The following SIPA1L3 variants were observed in gnomAD, a reference collection of about 807,000 sequenced individuals.
SIPA1L3 encodes the protein signal induced proliferation associated 1 like 3.
SIPA1L3 carries 59 observed loss-of-function variants against 150.1 expected under a neutral mutation model. That is an observed-to-expected ratio of 0.39 (90% CI 0.32 to 0.49). The LOEUF (loss-of-function observed/expected upper bound fraction) is 0.49, where lower values mean the gene tolerates loss of function less well. Among genes scored for constraint, SIPA1L3 ranks in the 20% least tolerant of loss-of-function variants. The pLI is 0.86. For synonymous variants in SIPA1L3, 1,070 were observed against 1,077.6 expected, an observed-to-expected ratio of 0.99 and a Z score of 0.14; for missense variants, 2,211 against 2,489.5, an observed-to-expected ratio of 0.89 and a Z score of 2.38.
intron 2 of SIPA1L3, among the ~76,000 whole-genome samples, chr19:38,058,317 G>A (rs1969370388): frequency 6.6e-6 from 1 of 152,172 alleles, no homozygotes; most frequent in Admixed American, 6.5e-5. Flanking sequence ...CTGTGGTGCT[G>A]CTGAAGGGTG....
At chr19:37,965,535 C>T (rs2046896550) in intron 1 of SIPA1L3, among the ~76,000 whole-genome samples, 1 of 152,002 alleles carries the variant, frequency 6.6e-6, no homozygotes, top group Admixed American at 6.6e-5. Flanking sequence ...AGGATGGTCT[C>T]AATCTCCTAA....
intron 9 of SIPA1L3, among the ~76,000 whole-genome samples, chr19:38,127,942 TA>T (rs1295620046): frequency 6.6e-6 from 1 of 151,472 alleles, no homozygotes; most frequent in Non-Finnish European, 1.5e-5. Flanking sequence ...AAGTCCAAGA[TA>T]AAGGTACCCG....
intron 14 of SIPA1L3, among the ~76,000 whole-genome samples, chr19:38,162,743 A>C (rs1972122729): frequency 6.6e-6 from 1 of 152,204 alleles, no homozygotes; most frequent in Non-Finnish European, 1.5e-5. Flanking sequence ...TCACGTGGTG[A>C]TTCAGAGCCC....
intron 1 of SIPA1L3, among the ~76,000 whole-genome samples, chr19:37,909,178 C>T (rs1349666983): frequency 6.6e-6 from 1 of 152,176 alleles, no homozygotes; most frequent in African/African-American, 2.4e-5. Flanking sequence ...ATTTCATTGG[C>T]CCATATTGGT....
chr19:38,111,357 A>C (rs1970736952), intron 8 of SIPA1L3, among the ~76,000 whole-genome samples: 1 of 152,058 alleles, frequency 6.6e-6, no homozygotes, highest in Non-Finnish European at 1.5e-5. Context: ...CTGTACATGA[A>C]GTGCTTTTTG....
intron 1 of SIPA1L3, among the ~76,000 whole-genome samples, chr19:37,917,200 G>C (rs1313919218): frequency 1.3e-5 from 2 of 151,984 alleles, no homozygotes; most frequent in Admixed American, 6.6e-5. Context: ...GCGTATCTCA[G>C]TTGGTACCAG....
intron 1 of SIPA1L3, among the ~76,000 whole-genome samples, chr19:37,996,243 A>G (rs1259329097): frequency 6.6e-6 from 1 of 151,874 alleles, no homozygotes; most frequent in Non-Finnish European, 1.5e-5. Context: ...TTATTTACTT[A>G]GAGACAGGGT....
At chr19:38,062,594 T>A (rs1380710351) in intron 2 of SIPA1L3, among the ~76,000 whole-genome samples, 3 of 151,332 alleles carry the variant, frequency 2.0e-5, no homozygotes, top group African/African-American at 7.3e-5. Flanking sequence ...AAATGCCAGT[T>A]TTTGCTCTCA....
chr19:38,015,114 T>G (rs2145688319), intron 1 of SIPA1L3, among the ~76,000 whole-genome samples: 1 of 152,242 alleles, frequency 6.6e-6, no homozygotes, highest in South Asian at 2.1e-4. Flanking sequence ...CACGCCCAGC[T>G]CCATGCCAGA....
intron 1 of SIPA1L3, among the ~76,000 whole-genome samples, chr19:38,015,955 C>T (rs77314051): frequency 1.4e-3 from 216 of 152,114 alleles, no homozygotes; most frequent in East Asian, 0.011. Context: ...ATCGTTGGTC[C>T]GCCGGAATCT....
intron 3 of SIPA1L3, among the ~76,000 whole-genome samples, 188 bp downstream of exon 3, chr19:38,083,287 C>T (rs1384571812): frequency 6.6e-6 from 1 of 152,206 alleles, no homozygotes; most frequent in Non-Finnish European, 1.5e-5. Context: ...AGCCCTGTGT[C>T]TGACACAGCA....
intron 13 of SIPA1L3, among the ~76,000 whole-genome samples, chr19:38,160,379 C>T (rs1033359141): frequency 5.3e-5 from 8 of 150,002 alleles, no homozygotes; most frequent in African/African-American, 2.0e-4. Context: ...GAGGTTAAAC[C>T]AGTTGACATC....
At chr19:38,142,453 A>T in intron 11 of SIPA1L3, 120 bp from the exon 12 acceptor site, 1 of 1,160,278 alleles carries the variant, frequency 8.6e-7, no homozygotes, top group Middle Eastern at 2.8e-4. Flanking sequence ...GGCGGGGGAA[A>T]GTTCGGTTGG....
At chr19:38,059,297 A>G (rs1361693601) in intron 2 of SIPA1L3, among the ~76,000 whole-genome samples, 2 of 148,928 alleles carry the variant, frequency 1.3e-5, no homozygotes, top group Non-Finnish European at 3.0e-5. Flanking sequence ...CACCATGCCC[A>G]GCAAACAGCT....
rs529202355 is a variant in SIPA1L3 at position 38,101,613 on chromosome 19, G to A, written c.2029+387G>A. Among the ~76,000 whole-genome samples, 27 of 152,256 alleles carry A rather than the reference G, an allele frequency of 1.8e-4. No individual in the cohort carries two copies. In the South Asian group the frequency reaches 5.6e-3, roughly 32 times the overall value. On this transcript the variant is annotated intron_variant, in intron 6 of 21. Coordinates refer to ENST00000222345, the MANE Select transcript of SIPA1L3 (RefSeq NM_015073.3). ...TTTAGTAGAGACAGGCTTTCACCGT[G>A]TTGGCCAGACTGGTCTCGAACTCCT...
At chr19:38,192,930 C>T (rs1050744153) in intron 17 of SIPA1L3, among the ~76,000 whole-genome samples, 1 of 152,162 alleles carries the variant, frequency 6.6e-6, no homozygotes, top group Non-Finnish European at 1.5e-5. Flanking sequence ...GTGGGTCCAG[C>T]TTGGCTCACA....
In SIPA1L3 at chr19:37,919,803, C is replaced by A. The variant is rs141406310; in HGVS notation, c.-379+12445C>A. Among the ~76,000 whole-genome samples the A allele has an allele frequency of 6.1e-3, 916 of 150,698 alleles. 14 individuals are homozygous for A. Among genetic ancestry groups the A allele is most frequent in the African/African-American group, 0.021 (869 of 40,990 alleles). Reference sequence around the variant, plus strand: ...TCAGCTCACCGCAACCTCTGCCTCCCGGGTTCAAGCAATTCTCCTGCCTCA... The same window carrying A: ...TCAGCTCACCGCAACCTCTGCCTCCAGGGTTCAAGCAATTCTCCTGCCTCA... On this transcript the variant is annotated intron_variant, in intron 1 of 21. Transcript: ENST00000222345.
chr19:38,095,106 AT>A (rs1182844513), intron 4 of SIPA1L3, among the ~76,000 whole-genome samples: 1 of 152,188 alleles, frequency 6.6e-6, no homozygotes, highest in African/African-American at 2.4e-5. Flanking sequence ...AAGAAATAAT[AT>A]TTTTAAAACT....
intron 2 of SIPA1L3, among the ~76,000 whole-genome samples, chr19:38,073,656 C>T (rs978309708): frequency 1.3e-5 from 2 of 152,168 alleles, no homozygotes; most frequent in Non-Finnish European, 2.9e-5. Flanking sequence ...AGAATGAACA[C>T]GAGGCCAGAG....
Sources: gnomAD v4.1 joint callset for allele counts (sites outside exome capture counted in the v4.1 genomes callset) on GRCh38, gnomAD v4.1.1 for gene constraint, MANE v1.5 for transcripts, NCBI Gene and HGNC (gene_info 2026-07-23, HGNC 2026-07-21) for gene names.